Variants in RGS6 observed in about 807,000 individuals in gnomAD.
RGS6 encodes regulator of G protein signaling 6.
In RGS6, 30 loss-of-function variants were observed where a neutral mutation model predicts 78.5. The observed-to-expected ratio is 0.38, with a 90% CI of 0.29 to 0.52. RGS6 has a LOEUF of 0.52. Ranked by LOEUF, RGS6 falls within the 20% of genes least tolerant of loss-of-function variation. The pLI is 0.85. For missense variants in RGS6, 495 were observed against 609.7 expected, an observed-to-expected ratio of 0.81 and a Z score of 1.98; for synonymous variants, 206 against 206.0, an observed-to-expected ratio of 1.00 and a Z score of 0.00.
chr14:72,222,116 G>A lies in RGS6; in HGVS notation c.85-129979G>A, dbSNP rs113264748. ...CTAATACTAGCATTGTGATCTGATT[G>A]CTGGTTTAGTTAATACATTTACATA... On this transcript the variant is annotated intron_variant, in intron 2 of 17. Transcript: ENST00000553525. Among the ~76,000 whole-genome samples the A allele has an allele frequency of 7.6e-3, 1,153 of 152,332 alleles. 11 individuals are homozygous for A. The highest frequency in any genetic ancestry group is 0.026 in the African/African-American group (1,064 of 41,574).
intron 17 of RGS6, among the ~76,000 whole-genome samples, chr14:72,543,018 A>G (rs2097346695): frequency 6.6e-6 from 1 of 152,196 alleles, no homozygotes; most frequent in Admixed American, 6.5e-5. Flanking sequence ...TGCAAGCTTC[A>G]TTCCAGGTTA....
At chr14:71,954,603 T>C (rs926493840) in intron 1 of RGS6, among the ~76,000 whole-genome samples, 11 of 152,172 alleles carry the variant, frequency 7.2e-5, no homozygotes, top group Non-Finnish European at 1.5e-4. Flanking sequence ...TTTTAGTTAT[T>C]TTAAAATGTA....
chr14:71,888,190 C>G, the RGS6 span, among the ~76,000 whole-genome samples: 1 of 152,172 alleles, frequency 6.6e-6, no homozygotes, highest in East Asian at 1.9e-4. Context: ...TTGCAGTGAG[C>G]TGAGATCGCG....
chr14:72,582,246 C>A, the RGS6 span, among the ~76,000 whole-genome samples: 14 of 152,266 alleles, frequency 9.2e-5, no homozygotes, highest in East Asian at 2.7e-3. Context: ...ACAAACCATA[C>A]GCAAAGCACA....
intron 2 of RGS6, among the ~76,000 whole-genome samples, chr14:72,071,687 G>A (rs2094413096): frequency 6.6e-6 from 1 of 152,094 alleles, no homozygotes; most frequent in Non-Finnish European, 1.5e-5. Flanking sequence ...ATACATGTTT[G>A]TCTGGTCATT....
chr14:72,596,043 A>G, the RGS6 span, among the ~76,000 whole-genome samples: 4 of 152,352 alleles, frequency 2.6e-5, no homozygotes, highest in Middle Eastern at 3.4e-3. Flanking sequence ...TGATTTGCTT[A>G]GAATAACCCT....
intron 2 of RGS6, among the ~76,000 whole-genome samples, chr14:72,102,605 G>A (rs952463039): frequency 6.6e-6 from 1 of 152,164 alleles, no homozygotes; most frequent in Non-Finnish European, 1.5e-5. Context: ...ACATGGTAGA[G>A]TCAAGATTTT....
At chr14:72,357,447 T>C (rs534001795) in intron 3 of RGS6, among the ~76,000 whole-genome samples, 1 of 152,272 alleles carries the variant, frequency 6.6e-6, no homozygotes, top group Non-Finnish European at 1.5e-5. Flanking sequence ...TAGAGACCTG[T>C]TGAATGACTT....
chr14:72,310,632 C>A (rs1169964310), intron 2 of RGS6, among the ~76,000 whole-genome samples: 1 of 152,160 alleles, frequency 6.6e-6, no homozygotes, highest in African/African-American at 2.4e-5. Context: ...CATGGAGTGC[C>A]CTTTCTGAAA....
At chr14:72,515,731 T>G (rs541599789) in intron 14 of RGS6, 1 of 152,260 alleles carries the variant, frequency 6.6e-6, no homozygotes, top group Non-Finnish European at 1.5e-5. Context: ...AGCTGAGTGA[T>G]GTACATTTTC....
chr14:72,416,364 C>T (rs1298715396), intron 3 of RGS6, among the ~76,000 whole-genome samples: 1 of 152,090 alleles, frequency 6.6e-6, no homozygotes, highest in Non-Finnish European at 1.5e-5. Context: ...CTTCTTGTCC[C>T]CTGCTTTCAG....
chr14:72,504,567 A>T (rs2096771130), intron 13 of RGS6, among the ~76,000 whole-genome samples: 1 of 152,208 alleles, frequency 6.6e-6, no homozygotes, highest in African/African-American at 2.4e-5. Flanking sequence ...TTTACCATCT[A>T]TATTTCTACC....
chr14:71,957,976 C>T (rs1426689538), intron 1 of RGS6, among the ~76,000 whole-genome samples: 5 of 151,830 alleles, frequency 3.3e-5, no homozygotes, highest in Non-Finnish European at 5.9e-5. Context: ...CTATGTTGCC[C>T]AGGCTGGTCT....
the RGS6 span, among the ~76,000 whole-genome samples, chr14:72,585,119 T>C: frequency 6.6e-6 from 1 of 152,164 alleles, no homozygotes; most frequent in Non-Finnish European, 1.5e-5. Context: ...AACCTGAGAA[T>C]ACTAACGACT....
At chr14:72,466,544 A>C (rs180956813) in intron 7 of RGS6, among the ~76,000 whole-genome samples, 1 of 152,360 alleles carries the variant, frequency 6.6e-6, no homozygotes, top group East Asian at 1.9e-4. Flanking sequence ...ATAGAATACT[A>C]CTATGCAGTA....
chr14:71,876,473 CTTTTTTTTTTTTTTTT>C, the RGS6 span, among the ~76,000 whole-genome samples: 12 of 72,492 alleles, frequency 1.7e-4, no homozygotes, highest in South Asian at 9.0e-4. Context: ...GCAACCGCTG[CTTTTTTTTTTTTTTTT>C]TTTTTTTTTT....
chr14:72,480,889 T>A (rs971202084), intron 12 of RGS6, among the ~76,000 whole-genome samples: 1 of 152,204 alleles, frequency 6.6e-6, no homozygotes, highest in Non-Finnish European at 1.5e-5. Flanking sequence ...CACCCAGTTC[T>A]GTGAGAACTA....
At chr14:72,546,690 C>T (rs1331122826) in intron 17 of RGS6, among the ~76,000 whole-genome samples, 3 of 152,214 alleles carry the variant, frequency 2.0e-5, no homozygotes, top group Non-Finnish European at 4.4e-5. Context: ...CCGCCCAGGC[C>T]CTCTCCTGCC....
At chr14:71,890,742 A>C in the RGS6 span, among the ~76,000 whole-genome samples, 1 of 152,218 alleles carries the variant, frequency 6.6e-6, no homozygotes, top group Non-Finnish European at 1.5e-5. Context: ...CATGAGTCAC[A>C]ACAGAATTTG....
Sources: allele counts gnomAD v4.1 joint callset (sites outside exome capture counted in the v4.1 genomes callset), GRCh38; gene constraint gnomAD v4.1.1; transcripts MANE v1.5; gene names NCBI Gene and HGNC (gene_info 2026-07-23, HGNC 2026-07-21).